CNTNAP2: variants seen among roughly 807,000 people sequenced by gnomAD.
CNTNAP2 encodes contactin-associated protein-like 2.
In CNTNAP2, 98 loss-of-function variants were observed where a neutral mutation model predicts 155.2. The observed-to-expected ratio is 0.63, with a 90% CI of 0.54 to 0.75. CNTNAP2 has a LOEUF of 0.75. Ranked by LOEUF, CNTNAP2 falls within the 30% of genes least tolerant of loss-of-function variation. The pLI is 0.00. For missense variants in CNTNAP2, 1,727 were observed against 1,688.1 expected, an observed-to-expected ratio of 1.02 and a Z score of -0.40; for synonymous variants, 651 against 631.2, an observed-to-expected ratio of 1.03 and a Z score of -0.47.
At chr7:147,609,343 A>C (rs986956026) in intron 12 of CNTNAP2, among the ~76,000 whole-genome samples, 2 of 152,086 alleles carry the variant, frequency 1.3e-5, no homozygotes, top group Non-Finnish European at 2.9e-5. Flanking sequence ...CATCCTGGCT[A>C]ACATGGTGAA....
chr7:146,181,646 A>C (rs1267788722), intron 1 of CNTNAP2, among the ~76,000 whole-genome samples: 1 of 152,166 alleles, frequency 6.6e-6, no homozygotes, highest in Non-Finnish European at 1.5e-5. Context: ...GAACATTCAA[A>C]ATAAGTATTA....
chr7:147,172,010 A>G (rs958834650), intron 8 of CNTNAP2, among the ~76,000 whole-genome samples: 1 of 152,214 alleles, frequency 6.6e-6, no homozygotes, highest in Non-Finnish European at 1.5e-5. Context: ...ACTGTCGGGA[A>G]TACAGAGATG....
intron 15 of CNTNAP2, among the ~76,000 whole-genome samples, chr7:148,018,251 T>A (rs530785229): frequency 1.7e-4 from 26 of 152,334 alleles, no homozygotes; most frequent in African/African-American, 6.3e-4. Context: ...GAGGTGTTCA[T>A]CCCAGGTGGT....
intron 13 of CNTNAP2, among the ~76,000 whole-genome samples, chr7:147,742,266 G>A (rs1008839406): frequency 1.3e-5 from 2 of 152,220 alleles, no homozygotes; most frequent in African/African-American, 4.8e-5. Flanking sequence ...CAAAACATTT[G>A]TCACTGTTCC....
At chr7:147,111,480 C>G (rs1800878750) in intron 5 of CNTNAP2, among the ~76,000 whole-genome samples, 1 of 152,138 alleles carries the variant, frequency 6.6e-6, no homozygotes, top group South Asian at 2.1e-4. Context: ...ATATAGTCTT[C>G]TAAGGTTTTT....
At chr7:146,915,055 C>A (rs997426379) in intron 3 of CNTNAP2, among the ~76,000 whole-genome samples, 7 of 152,034 alleles carry the variant, frequency 4.6e-5, no homozygotes, top group African/African-American at 1.7e-4. Context: ...GTTATCCCAG[C>A]ACCATTTGTT....
At chr7:147,334,691 A>T (rs537893363) in intron 9 of CNTNAP2, among the ~76,000 whole-genome samples, 1 of 152,260 alleles carries the variant, frequency 6.6e-6, no homozygotes, top group East Asian at 1.9e-4. Context: ...TTGAGAGTAG[A>T]TAACCCTCTC....
At chr7:148,009,496 G>A (rs1193209355) in intron 15 of CNTNAP2, among the ~76,000 whole-genome samples, 1 of 152,106 alleles carries the variant, frequency 6.6e-6, no homozygotes, top group Admixed American at 6.5e-5. Context: ...TGTATATTAT[G>A]CAATTACTCA....
rs1562981280 is a variant in CNTNAP2, at chr7:147,527,015, C to CTTTTCTTTTT, written c.1778-35119_1778-35118insCTTTTTTTTT. Reference sequence around the variant, plus strand: ...CATGAATTATGGAAGACAGGCATTTCTTTTTTTTTTTTTTTTTTTTTTTTT... The same window carrying CTTTTCTTTTT: ...CATGAATTATGGAAGACAGGCATTTCTTTTCTTTTTTTTTTTTTTTTTTTTTTTTTTTTTT... On this transcript the variant is annotated intron_variant, in intron 11 of 23. Transcript: ENST00000361727. Among the ~76,000 whole-genome samples the CTTTTCTTTTT allele has an allele frequency of 2.9e-4, 19 of 65,182 alleles. 1 individual carries two copies. The highest frequency in any genetic ancestry group is 1.3e-3 in the African/African-American group (16 of 12,760). The allele number at this position is 65,182 out of a possible 152,430, so 42.8% of individuals were successfully genotyped here. A position where few individuals can be genotyped will look rare whatever the true frequency, so the allele number is the denominator to read the frequency against.
At position 146,246,239 on chromosome 7, in the gene CNTNAP2, G is replaced by T. The variant is rs530072412; in HGVS notation, c.97+129266G>T. On this transcript the variant is annotated intron_variant, in intron 1 of 23. Transcript: ENST00000361727. ...ATCTTATACTTGTGGGTTAAGGTGG[G>T]GTAATACAAGAGGAGGACGCAAAGG... is the stretch of plus-strand genomic sequence containing the variant. 2.6e-4 allele frequency among the ~76,000 whole-genome samples: 39 copies of T among 150,634 alleles called. 1 individual carries two copies. In the South Asian group the frequency reaches 4.8e-3, roughly 19 times the overall value.
intron 1 of CNTNAP2, among the ~76,000 whole-genome samples, chr7:146,745,330 A>G (rs979186273): frequency 4.1e-4 from 62 of 152,166 alleles, no homozygotes; most frequent in Admixed American, 3.6e-3. Context: ...CGATAACCCT[A>G]TAAGTTTGGT....
intron 3 of CNTNAP2, among the ~76,000 whole-genome samples, chr7:146,976,170 AAC>A (rs1442812062): frequency 6.6e-6 from 1 of 152,176 alleles, no homozygotes; most frequent in East Asian, 1.9e-4. Context: ...GTGAGGTAAA[AAC>A]ACAAACTGTT....
At chr7:147,877,804 T>C (rs149133243) in intron 13 of CNTNAP2, among the ~76,000 whole-genome samples, 29 of 152,312 alleles carry the variant, frequency 1.9e-4, no homozygotes, top group African/African-American at 5.5e-4. Context: ...GAAATGCATG[T>C]GGTCTTTGGT....
At chr7:148,201,599 C>T (rs1042200500) in intron 18 of CNTNAP2, among the ~76,000 whole-genome samples, 9 of 152,116 alleles carry the variant, frequency 5.9e-5, no homozygotes, top group Non-Finnish European at 1.0e-4. Context: ...TAGTTGGTTT[C>T]CCTAATTCTC....
chr7:146,911,661 TG>T (rs1379783318), intron 3 of CNTNAP2, among the ~76,000 whole-genome samples: 2 of 51,120 alleles, frequency 3.9e-5, no homozygotes, highest in African/African-American at 1.6e-4. Flanking sequence ...TGTGGTGGGG[TG>T]GGGGGAGGGG....
intron 18 of CNTNAP2, among the ~76,000 whole-genome samples, chr7:148,179,589 G>A: frequency 6.8e-6 from 1 of 147,462 alleles, no homozygotes; most frequent in Non-Finnish European, 1.5e-5. Flanking sequence ...GTGCGGGGGA[G>A]AGAGAGGGAG....
At chr7:148,306,149 C>G (rs1303291274) in intron 21 of CNTNAP2, among the ~76,000 whole-genome samples, 1 of 152,184 alleles carries the variant, frequency 6.6e-6, no homozygotes, top group African/African-American at 2.4e-5. Flanking sequence ...AGGAATTTGT[C>G]TATTGTCAAT....
intron 8 of CNTNAP2, among the ~76,000 whole-genome samples, chr7:147,221,909 A>T (rs1011436722): frequency 6.6e-6 from 1 of 150,774 alleles, no homozygotes; most frequent in Non-Finnish European, 1.5e-5. Context: ...AATTCACTCT[A>T]CTCTTTTCTT....
At chr7:146,324,308 A>C (rs2129093253) in intron 1 of CNTNAP2, among the ~76,000 whole-genome samples, 1 of 152,242 alleles carries the variant, frequency 6.6e-6, no homozygotes, top group Middle Eastern at 3.4e-3. Flanking sequence ...GTAAGGCTTA[A>C]CCTAAGAGGT....
Sources: allele counts gnomAD v4.1 joint callset (sites outside exome capture counted in the v4.1 genomes callset), GRCh38; gene constraint gnomAD v4.1.1; transcripts MANE v1.5; gene names NCBI Gene and HGNC (gene_info 2026-07-23, HGNC 2026-07-21).